GPR26: variants seen among roughly 807,000 people sequenced by gnomAD.
GPR26 encodes the protein G protein-coupled receptor 26.
GPR26 carries 15 observed loss-of-function variants against 23.1 expected under a neutral mutation model. The observed-to-expected ratio is 0.65, with a 90% CI of 0.43 to 1.00. GPR26 has a LOEUF of 1.00. Ranked by LOEUF, GPR26 falls within the 50% of genes least tolerant of loss-of-function variation. GPR26 has a pLI of 0.00. For synonymous variants in GPR26, 228 were observed against 222.1 expected (o/e 1.03, Z -0.24); for missense variants, 359 against 470.5 (o/e 0.76, Z 2.19).
Position 123,688,155 on chromosome 10 carries a change from G to A in GPR26, c.1009G>A (p.Glu337Lys), listed in dbSNP as rs1401732947. 2 of 1,566,742 alleles carry A rather than the reference G, an allele frequency of 1.3e-6. No homozygotes were observed. The highest frequency in any genetic ancestry group is 1.7e-4 in the Middle Eastern group (1 of 5,878). ...SHSQNILPVS[E>K] ...CAGCCAGAACATTCTGCCGGTGTCT[G>A]AGTGAAGGACCGCGCTCCTGCTGAA... is the stretch of plus-strand genomic sequence containing the variant. Residue 337 changes from glutamate to lysine, a missense_variant, in exon 3 of 3, where the codon GAG becomes AAG. Physicochemically the swap from Glu to Lys is moderately conservative, Grantham distance 56. Transcript: ENST00000284674.
rs1001136300 is a variant in GPR26, at chr10:123,695,456, G to A, written c.*7296G>A. Among the ~76,000 whole-genome samples, 3 of 152,148 alleles carry A rather than the reference G, an allele frequency of 2.0e-5. No individual in the cohort carries two copies. Among genetic ancestry groups the A allele is most frequent in the Non-Finnish European group, 2.9e-5 (2 of 68,028 alleles). On this transcript the variant is annotated 3_prime_UTR_variant, in exon 3 of 3. Coordinates refer to ENST00000284674, the MANE Select transcript of GPR26 (RefSeq NM_153442.4). ...AGAGCCTAAAATCTGTATTTGGAGAGAGGAAGTCTACTCTTAACTGTGAGA... is the reference window on the plus strand; with the variant it reads ...AGAGCCTAAAATCTGTATTTGGAGAAAGGAAGTCTACTCTTAACTGTGAGA...
intron 2 of GPR26, 146 bp from the exon 3 acceptor site, chr10:123,687,783 A>C (rs1246173284): frequency 4.9e-6 from 3 of 616,904 alleles, no homozygotes; most frequent in Non-Finnish European, 8.7e-6. Flanking sequence ...GTAAACTGTT[A>C]TTGTTATTTG....
At position 123,696,202 on chromosome 10, in the gene GPR26, G is replaced by A. The variant is rs1044923260; in HGVS notation, c.*8042G>A. On this transcript the variant is annotated 3_prime_UTR_variant, in exon 3 of 3. Coordinates refer to ENST00000284674, the MANE Select transcript of GPR26 (RefSeq NM_153442.4). ...TAGACAACTTTAGCCACTCCTGTCC[G>A]TCCTTCTTCATGGAACACACTCATT... is the stretch of plus-strand genomic sequence containing the variant. Among the ~76,000 whole-genome samples, 6 of 152,102 alleles carry A rather than the reference G, an allele frequency of 3.9e-5. No individual in the cohort carries two copies. The highest frequency in any genetic ancestry group is 1.9e-4 in the East Asian group (1 of 5,184).
chr10:123,684,887 G>A (rs1444939125), intron 2 of GPR26, among the ~76,000 whole-genome samples: 1 of 152,180 alleles, frequency 6.6e-6, no homozygotes, highest in East Asian at 1.9e-4. Flanking sequence ...CCTCAATGGG[G>A]GCCATGACAA....
At chr10:123,676,261 G>A (rs1054397185) in intron 2 of GPR26, among the ~76,000 whole-genome samples, 3 of 152,244 alleles carry the variant, frequency 2.0e-5, no homozygotes, top group African/African-American at 4.8e-5. Flanking sequence ...TCTAGTTAGC[G>A]TGTGTCTCAT....
chr10:123,676,399 AT>A (rs368702115), intron 2 of GPR26, among the ~76,000 whole-genome samples: 1 of 152,248 alleles, frequency 6.6e-6, no homozygotes, highest in African/African-American at 2.4e-5. Context: ...CCAGATACTT[AT>A]TTGGTGCCAG....
At position 123,677,601 on chromosome 10, in the gene GPR26, G is replaced by A. The variant is rs566496896; in HGVS notation, c.782+2670G>A. On this transcript the variant is annotated intron_variant, in intron 2 of 2. Transcript: ENST00000284674. ...CTCCAGCGGAGGCATGGGTTGGTGC[G>A]ACCCCGGGAGTTCCCCTCTGCTGGG... 1.5e-4 allele frequency among the ~76,000 whole-genome samples: 23 copies of A among 152,310 alleles called. No homozygotes were observed. In the South Asian group the frequency reaches 2.7e-3, roughly 18 times the overall value.
At chr10:123,670,551 G>T (rs1845237992) in intron 1 of GPR26, among the ~76,000 whole-genome samples, 1 of 152,194 alleles carries the variant, frequency 6.6e-6, no homozygotes, top group South Asian at 2.1e-4. Context: ...GCAAGGCTGG[G>T]TTCGCATTTA....
At chr10:123,687,796 G>A in intron 2 of GPR26, 133 bp from the exon 3 acceptor site, 1 of 625,016 alleles carries the variant, frequency 1.6e-6, no homozygotes, top group South Asian at 1.9e-5. Flanking sequence ...GTTATTTGAG[G>A]AGGCAGTCTC....
intron 1 of GPR26, among the ~76,000 whole-genome samples, chr10:123,669,638 C>T (rs1845228500): frequency 6.6e-6 from 1 of 152,208 alleles, no homozygotes; most frequent in Non-Finnish European, 1.5e-5. Context: ...GACTTAATTA[C>T]AAAGGACCTG....
chr10:123,691,992 T>A lies in GPR26; in HGVS notation c.*3832T>A, dbSNP rs2133934578. On this transcript the variant is annotated 3_prime_UTR_variant, in exon 3 of 3. Coordinates refer to ENST00000284674, the MANE Select transcript of GPR26 (RefSeq NM_153442.4). The stretch of plus-strand genomic sequence containing the variant: ...ATCTAGGTTTCAATTGTCTTGTATC[T>A]TTCCCTAATTCTCCAAACAGTTCAA... 6.6e-6 allele frequency: 1 copy of A among 152,364 alleles called. No individual in the cohort carries two copies. Among genetic ancestry groups the A allele is most frequent in the South Asian group, 2.1e-4 (1 of 4,828 alleles). 9.4% of individuals were successfully genotyped at this position (152,364 alleles called of 1,614,324 possible).
intron 2 of GPR26, among the ~76,000 whole-genome samples, chr10:123,676,304 C>T (rs1385886208): frequency 6.6e-6 from 1 of 152,136 alleles, no homozygotes; most frequent in African/African-American, 2.4e-5. Flanking sequence ...GTCTGCAGGT[C>T]TCTGGATGGG....
chr10:123,667,761 GAATCTGC>G (rs1167412288), intron 1 of GPR26, among the ~76,000 whole-genome samples: 1 of 152,122 alleles, frequency 6.6e-6, no homozygotes, highest in African/African-American at 2.4e-5. Flanking sequence ...TCCTGGGGCT[GAATCTGC>G]CCCCACCTCC....
At chr10:123,673,062 T>A (rs1215463332) in intron 1 of GPR26, among the ~76,000 whole-genome samples, 3 of 152,224 alleles carry the variant, frequency 2.0e-5, no homozygotes, top group African/African-American at 7.2e-5. Flanking sequence ...CTAATTAATA[T>A]TAATTTCTAG....
chr10:123,680,708 C>T (rs1327551897), intron 2 of GPR26, among the ~76,000 whole-genome samples: 1 of 151,810 alleles, frequency 6.6e-6, no homozygotes, highest in Non-Finnish European at 1.5e-5. Context: ...CAGGAATGTC[C>T]CTTCATTTTT....
intron 2 of GPR26, among the ~76,000 whole-genome samples, chr10:123,676,123 GC>G (rs67239982): frequency 0.59 from 90,049 of 151,908 alleles, 27,130 homozygotes; most frequent in East Asian, 0.8. Context: ...ACTCACAGGA[GC>G]CCCCTGTGGA....
rs1845455933 is a variant in GPR26, at chr10:123,688,542, T to G, written c.*382T>G. The G allele has an allele frequency of 4.0e-6, 1 of 248,050 alleles. No homozygotes were observed. The highest frequency in any genetic ancestry group is 1.0e-4 in the East Asian group (1 of 10,012). 15.4% of individuals were successfully genotyped at this position (248,050 alleles called of 1,614,324 possible). ...CTGCTGACCACTGGACGCTGCTCCA[T>G]GCTGAAGAAAAGTGACAGTCTCCAG... On this transcript the variant is annotated 3_prime_UTR_variant, in exon 3 of 3. Transcript: ENST00000284674.
intron 1 of GPR26, among the ~76,000 whole-genome samples, chr10:123,669,805 G>T (rs571371798): frequency 1.1e-4 from 17 of 152,312 alleles, no homozygotes; most frequent in African/African-American, 4.1e-4. Flanking sequence ...TTCAATCTGG[G>T]ACCCTGGCCC....
chr10:123,668,639 A>G (rs1013953263), intron 1 of GPR26, among the ~76,000 whole-genome samples: 4 of 152,224 alleles, frequency 2.6e-5, no homozygotes, highest in Non-Finnish European at 4.4e-5. Flanking sequence ...TTGCAGCCAC[A>G]GTTGCAGAGC....
Sources: gnomAD v4.1 joint callset for allele counts (sites outside exome capture counted in the v4.1 genomes callset) on GRCh38, gnomAD v4.1.1 for gene constraint, MANE v1.5 for transcripts, NCBI Gene and HGNC (gene_info 2026-07-23, HGNC 2026-07-21) for gene names.